FA2H: variants seen among roughly 807,000 people sequenced by gnomAD.
FA2H encodes fatty acid 2-hydroxylase.
FA2H carries 22 observed loss-of-function variants against 44.9 expected under a neutral mutation model. That is an observed-to-expected ratio of 0.49 (90% CI 0.35 to 0.70). The LOEUF (loss-of-function observed/expected upper bound fraction) is 0.70, where lower values mean the gene tolerates loss of function less well. Among genes scored for constraint, FA2H ranks in the 30% least tolerant of loss-of-function variants. The probability of loss-of-function intolerance (pLI) is 0.01; values close to 1 mark genes in which losing one functional copy is unlikely to be tolerated. For synonymous variants in FA2H, 243 were observed against 213.2 expected, an observed-to-expected ratio of 1.14 and a Z score of -1.22; for missense variants, 501 against 504.9, an observed-to-expected ratio of 0.99 and a Z score of 0.07.
chr16:74,734,834 T>G (rs542344289), intron 2 of FA2H, among the ~76,000 whole-genome samples: 25 of 152,336 alleles, frequency 1.6e-4, no homozygotes, highest in African/African-American at 5.3e-4. Flanking sequence ...AGCTGCTCAG[T>G]GTCAGCAGCA....
At chr16:74,741,802 ATATATATGTGTG>A (rs1342295168) in intron 1 of FA2H, among the ~76,000 whole-genome samples, 1 of 71,274 alleles carries the variant, frequency 1.4e-5, no homozygotes, top group African/African-American at 6.2e-5. Context: ...ATATATATAT[ATATATATGTGTG>A]TGTGTGTGTG....
chr16:74,733,786 T>C (rs1299834956), intron 2 of FA2H, among the ~76,000 whole-genome samples: 2 of 152,194 alleles, frequency 1.3e-5, no homozygotes, highest in Admixed American at 6.5e-5. Context: ...CTCATTGCCA[T>C]GGGGGTGGGC....
intron 1 of FA2H, among the ~76,000 whole-genome samples, chr16:74,763,788 C>G (rs952962093): frequency 6.6e-6 from 1 of 152,210 alleles, no homozygotes; most frequent in Admixed American, 6.5e-5. Flanking sequence ...ATGGTTCACT[C>G]TAAGTATATA....
At chr16:74,722,204 C>T (rs1364282016) in intron 4 of FA2H, among the ~76,000 whole-genome samples, 1 of 152,040 alleles carries the variant, frequency 6.6e-6, no homozygotes, top group Non-Finnish European at 1.5e-5. Context: ...AAGACTTTCC[C>T]ATCATGGACT....
Position 74,714,239 on chromosome 16 carries a change from TA to T in FA2H, c.1069del (p.Tyr357ThrfsTer13). On this transcript the variant is annotated frameshift_variant, in exon 7 of 7. Transcript: ENST00000219368. LOFTEE classifies it high-confidence loss of function. Reference sequence around the variant, plus strand: ...CTCTGGAGTGAGGGTGTGGAAACAGTAATCCCACAATTTAGTGCTGATACCA... The same window carrying T: ...CTCTGGAGTGAGGGTGTGGAAACAGTATCCCACAATTTAGTGCTGATACCA... ...GFGISTKLWD[Y>X]CFHTLTPEKP... The T allele has an allele frequency of 6.4e-7, 1 of 1,564,562 alleles. No individual in the cohort carries two copies. Among genetic ancestry groups the T allele is most frequent in the South Asian group, 1.2e-5 (1 of 84,844 alleles).
intron 1 of FA2H, among the ~76,000 whole-genome samples, chr16:74,760,148 T>C (rs1962680493): frequency 6.6e-6 from 1 of 152,102 alleles, no homozygotes; most frequent in Non-Finnish European, 1.5e-5. Context: ...GAGAATTGCT[T>C]GTCCACTCCC....
chr16:74,738,782 G>A (rs1962232980), intron 2 of FA2H, among the ~76,000 whole-genome samples: 1 of 152,126 alleles, frequency 6.6e-6, no homozygotes, highest in Admixed American at 6.5e-5. Context: ...GACCCTGCCA[G>A]TGCCCAGGGC....
At chr16:74,737,985 G>T (rs1962215108) in intron 2 of FA2H, among the ~76,000 whole-genome samples, 1 of 152,060 alleles carries the variant, frequency 6.6e-6, no homozygotes, top group African/African-American at 2.4e-5. Flanking sequence ...ACCCTTTTTT[G>T]GAAAGTCAAA....
intron 1 of FA2H, among the ~76,000 whole-genome samples, chr16:74,766,241 G>A (rs2144663918): frequency 6.6e-6 from 1 of 152,160 alleles, no homozygotes; most frequent in African/African-American, 2.4e-5. Flanking sequence ...AGAGGTTACA[G>A]TGAGCTGAGA....
At chr16:74,734,048 C>T (rs531591820) in intron 2 of FA2H, among the ~76,000 whole-genome samples, 3 of 152,344 alleles carry the variant, frequency 2.0e-5, no homozygotes, top group East Asian at 3.9e-4. Context: ...CCTACTCCCA[C>T]CACATTAGTG....
chr16:74,732,196 T>C (rs980624477), intron 2 of FA2H, among the ~76,000 whole-genome samples: 1 of 152,026 alleles, frequency 6.6e-6, no homozygotes, highest in African/African-American at 2.4e-5. Context: ...CGCCCCTGGT[T>C]TTTCTATGTC....
At chr16:74,762,177 G>C (rs944443517) in intron 1 of FA2H, among the ~76,000 whole-genome samples, 1 of 152,054 alleles carries the variant, frequency 6.6e-6, no homozygotes, top group South Asian at 2.1e-4. Context: ...TGAGTAGGTG[G>C]GACTGCAGGT....
At chr16:74,758,127 T>C (rs1266599957) in intron 1 of FA2H, among the ~76,000 whole-genome samples, 7 of 149,586 alleles carry the variant, frequency 4.7e-5, no homozygotes, top group Non-Finnish European at 8.9e-5. Context: ...CTTTTTTTTT[T>C]TTTTTTTTTT....
chr16:74,774,463 G>A (rs2144672177), intron 1 of FA2H, 23 bp downstream of exon 1: 11 of 1,496,584 alleles, frequency 7.4e-6, no homozygotes, highest in Non-Finnish European at 8.9e-6. Flanking sequence ...GGGTTGGGGT[G>A]GGGGGCCCCG....
At chr16:74,743,044 C>T (rs1393097499) in intron 1 of FA2H, among the ~76,000 whole-genome samples, 1 of 152,040 alleles carries the variant, frequency 6.6e-6, no homozygotes, top group Non-Finnish European at 1.5e-5. Flanking sequence ...GATATAGGGT[C>T]TCTCACTATG....
chr16:74,718,938 C>T, intron 5 of FA2H, 50 bp downstream of exon 5: 1 of 1,604,300 alleles, frequency 6.2e-7, no homozygotes, highest in East Asian at 2.2e-5. Context: ...GCTGCCGGGC[C>T]CTCTCGGGCT....
intron 1 of FA2H, among the ~76,000 whole-genome samples, chr16:74,744,783 G>A (rs1962384156): frequency 6.6e-6 from 1 of 152,066 alleles, no homozygotes; most frequent in Non-Finnish European, 1.5e-5. Context: ...ACGGGGTCTT[G>A]CTATGTTGCC....
intron 3 of FA2H, among the ~76,000 whole-genome samples, chr16:74,726,968 G>C (rs191646784): frequency 6.6e-6 from 1 of 152,300 alleles, no homozygotes; most frequent in East Asian, 1.9e-4. Context: ...TTGTTCCCAT[G>C]CGCATCGTGG....
intron 1 of FA2H, among the ~76,000 whole-genome samples, chr16:74,755,852 C>T (rs1962600643): frequency 6.6e-6 from 1 of 151,630 alleles, no homozygotes; most frequent in South Asian, 2.1e-4. Flanking sequence ...CTCTTTTCCC[C>T]CTACTAAGCG....
Sources: gnomAD v4.1 joint callset for allele counts (sites outside exome capture counted in the v4.1 genomes callset) on GRCh38, gnomAD v4.1.1 for gene constraint, MANE v1.5 for transcripts, NCBI Gene and HGNC (gene_info 2026-07-23, HGNC 2026-07-21) for gene names.